PRDM5: variants seen among roughly 807,000 people sequenced by gnomAD.
PRDM5 encodes the protein PR domain zinc finger protein 5.
PRDM5 carries 56 observed loss-of-function variants against 81.2 expected under a neutral mutation model. That is an observed-to-expected ratio of 0.69 (90% CI 0.56 to 0.86). The LOEUF (loss-of-function observed/expected upper bound fraction) is 0.86, where lower values mean the gene tolerates loss of function less well. Among genes scored for constraint, PRDM5 ranks in the 40% least tolerant of loss-of-function variants. PRDM5 has a pLI of 0.00. For missense variants in PRDM5, 697 were observed against 770.1 expected (o/e 0.91, Z 1.12); for synonymous variants, 267 against 256.4 (o/e 1.04, Z -0.39).
intron 14 of PRDM5, 69 bp from the exon 15 acceptor site, chr4:120,710,482 G>C: frequency 7.9e-7 from 1 of 1,266,690 alleles, no homozygotes. Flanking sequence ...TCCATATTCA[G>C]GTGTGTGTTA....
intron 3 of PRDM5, among the ~76,000 whole-genome samples, chr4:120,825,496 C>T (rs1755844055): frequency 6.6e-6 from 1 of 152,144 alleles, no homozygotes; most frequent in Admixed American, 6.6e-5. Context: ...CTCTCTCACA[C>T]TCCATATACA....
intron 12 of PRDM5, among the ~76,000 whole-genome samples, chr4:120,777,876 A>G (rs1209515626): frequency 6.6e-6 from 1 of 152,126 alleles, no homozygotes; most frequent in Non-Finnish European, 1.5e-5. Context: ...TCACATGAGG[A>G]AAGGTGAATA....
At chr4:120,844,692 C>A (rs980924488) in intron 3 of PRDM5, among the ~76,000 whole-genome samples, 2 of 152,162 alleles carry the variant, frequency 1.3e-5, no homozygotes, top group African/African-American at 2.4e-5. Context: ...CAATTAATAA[C>A]CCTACAATGG....
Position 120,833,824 on chromosome 4 carries a change from C to T in PRDM5, c.301-12479G>A, listed in dbSNP as rs115041653. Among the ~76,000 whole-genome samples, 362 of 152,160 alleles carry T rather than the reference C, an allele frequency of 2.4e-3. 1 individual carries two copies. The highest frequency in any genetic ancestry group is 8.4e-3 in the African/African-American group (350 of 41,514). On this transcript the variant is annotated intron_variant, in intron 3 of 15. Transcript: ENST00000264808. ...GGGGACTATAAAGTGTAAAAAGGAC[C>T]AAGATAGTTGTACAGAGAATGGTAG...
At chr4:120,690,377 T>C (rs1733994015), downstream of PRDM5, among the ~76,000 whole-genome samples, 1 of 152,016 alleles carries the variant, frequency 6.6e-6, no homozygotes, top group Non-Finnish European at 1.5e-5. Flanking sequence ...CAGGCCACCA[T>C]CCAAATGAGG....
intron 10 of PRDM5, among the ~76,000 whole-genome samples, chr4:120,786,833 A>T: frequency 6.6e-6 from 1 of 152,326 alleles, no homozygotes; most frequent in South Asian, 2.1e-4. Context: ...CATCTTAATA[A>T]GAAAAGATGA....
At chr4:120,851,840 G>A (rs901487431) in intron 3 of PRDM5, among the ~76,000 whole-genome samples, 1 of 152,118 alleles carries the variant, frequency 6.6e-6, no homozygotes, top group South Asian at 2.1e-4. Flanking sequence ...GAATTTCTAC[G>A]AATAAATGAC....
intron 3 of PRDM5, among the ~76,000 whole-genome samples, chr4:120,840,774 C>T (rs918596086): frequency 6.6e-5 from 10 of 152,190 alleles, no homozygotes; most frequent in African/African-American, 1.4e-4. Flanking sequence ...GCCCCTAGGG[C>T]GGCAGGCTGC....
At chr4:120,920,669 G>C (rs1168080541) in intron 1 of PRDM5, among the ~76,000 whole-genome samples, 1 of 152,228 alleles carries the variant, frequency 6.6e-6, no homozygotes. Flanking sequence ...CCATGACCTT[G>C]TGACTGAATA....
chr4:120,891,567 G>C (rs1301118749), intron 2 of PRDM5, among the ~76,000 whole-genome samples: 1 of 151,996 alleles, frequency 6.6e-6, no homozygotes, highest in African/African-American at 2.4e-5. Flanking sequence ...CTTGTATTCT[G>C]CTAGCTTTGG....
chr4:120,859,251 G>A (rs1660195528), intron 2 of PRDM5, among the ~76,000 whole-genome samples: 1 of 150,946 alleles, frequency 6.6e-6, no homozygotes, highest in Non-Finnish European at 1.5e-5. Flanking sequence ...TGTTGCCCAG[G>A]CTAGAGGGCA....
chr4:120,758,176 A>G (rs750614281), intron 13 of PRDM5, among the ~76,000 whole-genome samples: 1 of 152,166 alleles, frequency 6.6e-6, no homozygotes, highest in African/African-American at 2.4e-5. Context: ...CTTGGCCTCC[A>G]TAACTGTGTA....
chr4:120,744,432 G>C (rs1200506416), intron 14 of PRDM5, among the ~76,000 whole-genome samples: 1 of 152,084 alleles, frequency 6.6e-6, no homozygotes, highest in African/African-American at 2.4e-5. Flanking sequence ...ACTAAAATCA[G>C]AGCAGAACTG....
intron 2 of PRDM5, among the ~76,000 whole-genome samples, chr4:120,900,062 A>G (rs1209288638): frequency 1.3e-5 from 2 of 152,206 alleles, no homozygotes; most frequent in South Asian, 2.1e-4. Flanking sequence ...CAAAGCTTCC[A>G]TGCCCTCTCC....
At chr4:120,767,184 G>A (rs1746504708) in intron 13 of PRDM5, among the ~76,000 whole-genome samples, 1 of 152,056 alleles carries the variant, frequency 6.6e-6, no homozygotes, top group African/African-American at 2.4e-5. Flanking sequence ...TTCCTCCCAC[G>A]ACTAACAGGT....
chr4:120,691,804 G>C (rs971942567), downstream of PRDM5: 4 of 151,940 alleles, frequency 2.6e-5, no homozygotes, highest in African/African-American at 9.7e-5. Flanking sequence ...TGGAGGTAAT[G>C]GCAATTACAT....
chr4:120,800,096 A>G (rs138656929), intron 8 of PRDM5, among the ~76,000 whole-genome samples: 99 of 152,346 alleles, frequency 6.5e-4, no homozygotes, highest in Non-Finnish European at 1.2e-3. Context: ...GCATGCAGTT[A>G]ATAATATTCC....
At chr4:120,719,621 ATTACAC>A (rs1738293247) in intron 14 of PRDM5, among the ~76,000 whole-genome samples, 1 of 152,200 alleles carries the variant, frequency 6.6e-6, no homozygotes, top group South Asian at 2.1e-4. Context: ...CTACGTCATA[ATTACAC>A]TTACACCTTG....
rs149687520 is a variant in PRDM5 at position 120,901,581 on chromosome 4, A to G, written c.177+5893T>C. ...ATCTGGAACCCTTACGAGGCCACAG[A>G]CTTTTTAAAAAAGCAAAGTTCAACC... is the stretch of plus-strand genomic sequence containing the variant. On this transcript the variant is annotated intron_variant, in intron 2 of 15. Coordinates refer to ENST00000264808, the MANE Select transcript of PRDM5 (RefSeq NM_018699.4). Among the ~76,000 whole-genome samples the G allele has an allele frequency of 2.1e-3, 326 of 152,308 alleles. 4 individuals are homozygous for G. Among genetic ancestry groups the G allele is most frequent in the Non-Finnish European group, 1.3e-4 (9 of 68,030 alleles).
Sources: allele counts gnomAD v4.1 joint callset (sites outside exome capture counted in the v4.1 genomes callset), GRCh38; gene constraint gnomAD v4.1.1; transcripts MANE v1.5; gene names NCBI Gene and HGNC (gene_info 2026-07-23, HGNC 2026-07-21).